Variants in CLYBL observed in about 807,000 individuals in gnomAD.
CLYBL encodes the protein citramalyl-CoA lyase, also known as citramalyl-CoA lyase, mitochondrial.
CLYBL carries 31 observed loss-of-function variants against 38.9 expected under a neutral mutation model. The ratio of observed to expected loss-of-function variants is 0.80; its 90% CI spans 0.60 to 1.08. The LOEUF (loss-of-function observed/expected upper bound fraction) is 1.08, where lower values mean the gene tolerates loss of function less well. CLYBL is among the 50% of genes least tolerant of loss of function. The pLI is 0.00. For synonymous variants in CLYBL, 171 were observed against 158.6 expected, an observed-to-expected ratio of 1.08 and a Z score of -0.59; for missense variants, 434 against 411.6, an observed-to-expected ratio of 1.05 and a Z score of -0.47.
At chr13:99,894,526 G>A (rs926682684), downstream of CLYBL, 2 of 152,250 alleles carry the variant, frequency 1.3e-5, no homozygotes, top group African/African-American at 2.4e-5. Context: ...AAAATGAGCC[G>A]GGACAAGACT....
intron 8 of CLYBL, among the ~76,000 whole-genome samples, chr13:99,902,430 G>A (rs1228077403): frequency 6.6e-6 from 1 of 152,188 alleles, no homozygotes; most frequent in African/African-American, 2.4e-5. Flanking sequence ...AATAGCCAAT[G>A]AATGGGCTAT....
At chr13:99,671,310 G>A (rs527748325) in intron 1 of CLYBL, among the ~76,000 whole-genome samples, 1 of 152,212 alleles carries the variant, frequency 6.6e-6, no homozygotes, top group Non-Finnish European at 1.5e-5. Context: ...TATAATGTTT[G>A]TCTTCCCTAC....
intron 2 of CLYBL, among the ~76,000 whole-genome samples, chr13:99,835,354 G>A (rs1594211703): frequency 6.6e-6 from 1 of 152,208 alleles, no homozygotes; most frequent in Admixed American, 6.5e-5. Flanking sequence ...AGAGACCCAC[G>A]TTGCGTCTGC....
intron 6 of CLYBL, among the ~76,000 whole-genome samples, chr13:99,867,000 G>A (rs1444820938): frequency 3.3e-5 from 5 of 152,134 alleles, no homozygotes; most frequent in Non-Finnish European, 7.3e-5. Flanking sequence ...TGGGGCACAG[G>A]CGGGTATCTG....
At chr13:99,633,196 G>A (rs1313541290) in intron 1 of CLYBL, among the ~76,000 whole-genome samples, 3 of 104,278 alleles carry the variant, frequency 2.9e-5, no homozygotes, top group African/African-American at 1.1e-4. Context: ...GGGCAACAGA[G>A]CAAGATCCTG....
At chr13:99,629,739 C>T (rs971566304) in intron 1 of CLYBL, among the ~76,000 whole-genome samples, 4 of 152,192 alleles carry the variant, frequency 2.6e-5, no homozygotes, top group Non-Finnish European at 5.9e-5. Context: ...GAGGTGGCCC[C>T]AGCCCAGGAG....
At chr13:99,650,211 A>C (rs1431968849) in intron 1 of CLYBL, among the ~76,000 whole-genome samples, 2 of 150,166 alleles carry the variant, frequency 1.3e-5, no homozygotes, top group Admixed American at 6.6e-5. Context: ...TGCAGTGAGC[A>C]GAGATTGCGC....
chr13:99,701,708 T>C (rs1225570394), intron 1 of CLYBL, among the ~76,000 whole-genome samples: 1 of 152,210 alleles, frequency 6.6e-6, no homozygotes, highest in Non-Finnish European at 1.5e-5. Flanking sequence ...GAAGTCTCAC[T>C]CTGTCACCCA....
At chr13:99,902,618 T>C (rs1318825599) in intron 8 of CLYBL, among the ~76,000 whole-genome samples, 1 of 152,266 alleles carries the variant, frequency 6.6e-6, no homozygotes, top group Non-Finnish European at 1.5e-5. Context: ...GTGATGATTT[T>C]AGGACTGCAC....
chr13:99,859,586 ATAT>A (rs1394898283), intron 3 of CLYBL, among the ~76,000 whole-genome samples: 2 of 152,236 alleles, frequency 1.3e-5, no homozygotes, highest in Admixed American at 6.5e-5. Flanking sequence ...ATTAGCACTG[ATAT>A]TATTTCCTGA....
intron 1 of CLYBL, among the ~76,000 whole-genome samples, chr13:99,628,725 A>C (rs1054764465): frequency 6.6e-5 from 10 of 152,218 alleles, no homozygotes; most frequent in African/African-American, 2.2e-4. Context: ...TAGAGTTTAA[A>C]GTCTTAGGTT....
chr13:99,628,177 A>G (rs555592364), intron 1 of CLYBL, among the ~76,000 whole-genome samples: 1 of 152,174 alleles, frequency 6.6e-6, no homozygotes, highest in African/African-American at 2.4e-5. Flanking sequence ...GTGAAATTTA[A>G]TATTTTCCAC....
chr13:99,825,636 A>G (rs1227588497), intron 2 of CLYBL, among the ~76,000 whole-genome samples: 2 of 152,156 alleles, frequency 1.3e-5, no homozygotes, highest in Non-Finnish European at 2.9e-5. Context: ...TTGGCTCAGT[A>G]CAGCACACTG....
At chr13:99,830,433 T>C (rs1028711) in intron 2 of CLYBL, among the ~76,000 whole-genome samples, 96,762 of 152,016 alleles carry the variant, frequency 0.64, 30,992 homozygotes, top group East Asian at 0.74. Context: ...GTATAGAAAG[T>C]GGCACCTAGA....
intron 2 of CLYBL, among the ~76,000 whole-genome samples, chr13:99,785,093 A>C (rs1399009678): frequency 6.8e-6 from 1 of 146,170 alleles, no homozygotes; most frequent in African/African-American, 2.5e-5. Flanking sequence ...AGGTTTCACC[A>C]TGTTGGCCAG....
chr13:99,806,922 C>G (rs899518243), intron 2 of CLYBL, among the ~76,000 whole-genome samples: 1 of 152,192 alleles, frequency 6.6e-6, no homozygotes, highest in Non-Finnish European at 1.5e-5. Context: ...CATTTTAACT[C>G]CAGATGGCTG....
intron 2 of CLYBL, among the ~76,000 whole-genome samples, chr13:99,838,622 T>G (rs2050994193): frequency 6.6e-6 from 1 of 152,210 alleles, no homozygotes; most frequent in Non-Finnish European, 1.5e-5. Context: ...TACTATAAAT[T>G]GTCAAACATT....
chr13:99,836,636 T>C (rs1221227163), intron 2 of CLYBL, among the ~76,000 whole-genome samples: 1 of 152,264 alleles, frequency 6.6e-6, no homozygotes, highest in Non-Finnish European at 1.5e-5. Context: ...AAAATACTTA[T>C]ATGCACTTTC....
At chr13:99,763,828 CAGGCGTG>C (rs2049214237) in intron 1 of CLYBL, among the ~76,000 whole-genome samples, 1 of 152,172 alleles carries the variant, frequency 6.6e-6, no homozygotes, top group South Asian at 2.1e-4. Flanking sequence ...GCTGGGATTA[CAGGCGTG>C]AGCCACCGCA....
Sources: allele counts gnomAD v4.1 joint callset (sites outside exome capture counted in the v4.1 genomes callset), GRCh38; gene constraint gnomAD v4.1.1; transcripts MANE v1.5; gene names NCBI Gene and HGNC (gene_info 2026-07-23, HGNC 2026-07-21).